The following CTNNA3 variants were observed in gnomAD, a reference collection of about 807,000 sequenced individuals.
CTNNA3 encodes the protein catenin alpha 3, also known as catenin alpha-3.
CTNNA3 carries 76 observed loss-of-function variants against 95.7 expected under a neutral mutation model. The observed-to-expected ratio is 0.79, with a 90% confidence interval of 0.66 to 0.96. The LOEUF (loss-of-function observed/expected upper bound fraction) is 0.96, where lower values mean the gene tolerates loss of function less well. CTNNA3 is among the 40% of genes least tolerant of loss of function. CTNNA3 has a pLI of 0.00. For synonymous variants in CTNNA3, 431 were observed against 374.4 expected (o/e 1.15, Z -1.74); for missense variants, 1,191 against 1,089.8 (o/e 1.09, Z -1.31).
At chr10:67,563,338 C>T (rs1176907114) in intron 3 of CTNNA3, among the ~76,000 whole-genome samples, 1 of 152,166 alleles carries the variant, frequency 6.6e-6, no homozygotes, top group African/African-American at 2.4e-5. Flanking sequence ...TAATACCACA[C>T]ACATCTACAA....
chr10:67,511,209 C>A (rs1396364687), intron 5 of CTNNA3, among the ~76,000 whole-genome samples: 1 of 152,154 alleles, frequency 6.6e-6, no homozygotes, highest in Admixed American at 6.5e-5. Flanking sequence ...ATTGCCCTGG[C>A]CAGAACTTCC....
At chr10:66,694,601 A>C (rs1847687568) in intron 9 of CTNNA3, among the ~76,000 whole-genome samples, 1 of 152,198 alleles carries the variant, frequency 6.6e-6, no homozygotes, top group Admixed American at 6.5e-5. Flanking sequence ...AATCCTCCCT[A>C]ACTCATTTTA....
chr10:66,363,447 A>G (rs1410513576), intron 12 of CTNNA3, among the ~76,000 whole-genome samples: 1 of 152,150 alleles, frequency 6.6e-6, no homozygotes, highest in African/African-American at 2.4e-5. Context: ...AGACAGCAAG[A>G]AGGCAGCTGT....
chr10:66,024,031 G>C (rs1363106633), intron 15 of CTNNA3, among the ~76,000 whole-genome samples: 2 of 148,962 alleles, frequency 1.3e-5, no homozygotes, highest in Non-Finnish European at 3.0e-5. Context: ...TTGGTTTAGT[G>C]TGAGTCAAAA....
intron 11 of CTNNA3, among the ~76,000 whole-genome samples, chr10:66,388,981 T>C (rs1421590814): frequency 1.3e-5 from 2 of 152,154 alleles, no homozygotes; most frequent in Non-Finnish European, 2.9e-5. Context: ...TTCTTAAAAA[T>C]GATTATTTCT....
At chr10:67,568,151 G>C (rs932688708) in intron 3 of CTNNA3, among the ~76,000 whole-genome samples, 3 of 151,436 alleles carry the variant, frequency 2.0e-5, no homozygotes, top group African/African-American at 7.3e-5. Context: ...ATATGTACTT[G>C]TGTATTTTTT....
At chr10:66,195,808 C>T (rs886204609) in intron 13 of CTNNA3, among the ~76,000 whole-genome samples, 5 of 152,122 alleles carry the variant, frequency 3.3e-5, no homozygotes, top group African/African-American at 1.2e-4. Context: ...GTAAGAGGAA[C>T]ATATATACAG....
intron 3 of CTNNA3, among the ~76,000 whole-genome samples, chr10:67,573,018 G>A (rs920990263): frequency 2.0e-5 from 3 of 152,294 alleles, no homozygotes; most frequent in Admixed American, 1.3e-4. Flanking sequence ...GAGCCTGAGA[G>A]GTTGAGGCTG....
intron 17 of CTNNA3, 85 bp from the exon 18 acceptor site, chr10:65,920,702 C>G: frequency 7.0e-7 from 1 of 1,435,162 alleles, no homozygotes; most frequent in Non-Finnish European, 9.5e-7. Context: ...GGCATGTGCC[C>G]GTTGCCCCAG....
chr10:66,375,063 A>G (rs952866588), intron 12 of CTNNA3, among the ~76,000 whole-genome samples: 1 of 152,130 alleles, frequency 6.6e-6, no homozygotes. Context: ...TTTCTAGAGG[A>G]CATGAATATA....
intron 7 of CTNNA3, among the ~76,000 whole-genome samples, chr10:67,121,839 T>G (rs1177122261): frequency 6.6e-6 from 1 of 151,942 alleles, no homozygotes; most frequent in African/African-American, 2.4e-5. Flanking sequence ...AGAGAACTGT[T>G]GCCAAACAGG....
chr10:66,401,743 C>T (rs902396421), intron 11 of CTNNA3, among the ~76,000 whole-genome samples: 2 of 148,266 alleles, frequency 1.3e-5, no homozygotes, highest in African/African-American at 5.0e-5. Context: ...ACTGCAACCT[C>T]CGTCTCCCAG....
At chr10:66,747,688 A>T (rs1838944256) in intron 9 of CTNNA3, among the ~76,000 whole-genome samples, 1 of 152,036 alleles carries the variant, frequency 6.6e-6, no homozygotes, top group Non-Finnish European at 1.5e-5. Flanking sequence ...ATACTGGGGG[A>T]TTTAGAAAAC....
At chr10:66,132,816 C>T (rs2083178857) in intron 13 of CTNNA3, among the ~76,000 whole-genome samples, 1 of 152,176 alleles carries the variant, frequency 6.6e-6, no homozygotes, top group Admixed American at 6.5e-5. Flanking sequence ...CCAAATACCA[C>T]ATGTTCTCAC....
intron 5 of CTNNA3, among the ~76,000 whole-genome samples, chr10:67,390,426 C>G (rs1001964668): frequency 6.6e-6 from 1 of 152,068 alleles, no homozygotes; most frequent in Non-Finnish European, 1.5e-5. Flanking sequence ...GCTTACCAAC[C>G]AAAAAGAGTC....
At chr10:67,287,065 C>T (rs1010454218) in intron 5 of CTNNA3, among the ~76,000 whole-genome samples, 6 of 152,068 alleles carry the variant, frequency 3.9e-5, no homozygotes, top group Admixed American at 6.5e-5. Flanking sequence ...TGGGCCCGAG[C>T]GCGGTGGCTC....
intron 13 of CTNNA3, among the ~76,000 whole-genome samples, chr10:66,213,475 T>A (rs1437339384): frequency 6.6e-6 from 1 of 152,198 alleles, no homozygotes. Flanking sequence ...GTTAGAACAT[T>A]GTACTAGTAC....
chr10:66,313,573 T>C (rs528071040), intron 12 of CTNNA3, among the ~76,000 whole-genome samples: 2 of 152,300 alleles, frequency 1.3e-5, no homozygotes, highest in African/African-American at 2.4e-5. Context: ...TCATCCTAAA[T>C]GTCATCCACT....
chr10:66,988,915 A>G (rs982969323), intron 7 of CTNNA3, among the ~76,000 whole-genome samples: 2 of 151,056 alleles, frequency 1.3e-5, no homozygotes, highest in Non-Finnish European at 3.0e-5. Flanking sequence ...TTGCTCCACT[A>G]CTCACTGAAG....
Sources: allele counts gnomAD v4.1 joint callset (sites outside exome capture counted in the v4.1 genomes callset), GRCh38; gene constraint gnomAD v4.1.1; transcripts MANE v1.5; gene names NCBI Gene and HGNC (gene_info 2026-07-23, HGNC 2026-07-21).